The following PPP2R2C variants were observed in gnomAD, a reference collection of about 807,000 sequenced individuals.
PPP2R2C encodes protein phosphatase 2, regulatory subunit B, gamma.
In PPP2R2C, 10 loss-of-function variants were observed where a neutral mutation model predicts 45.3. The observed-to-expected ratio is 0.22, with a 90% confidence interval of 0.14 to 0.37. The LOEUF is 0.37. Ranked by LOEUF, PPP2R2C falls within the 10% of genes least tolerant of loss-of-function variation. PPP2R2C has a pLI of 1.00. For missense variants in PPP2R2C, 308 were observed against 619.7 expected (o/e 0.50, Z 5.34); for synonymous variants, 257 against 245.4 (o/e 1.05, Z -0.44).
At chr4:6,447,660 C>A (rs1308407740) in intron 1 of PPP2R2C, among the ~76,000 whole-genome samples, 1 of 152,144 alleles carries the variant, frequency 6.6e-6, no homozygotes, top group East Asian at 1.9e-4. Context: ...GCAACCACAT[C>A]TGTAACAACA....
upstream of PPP2R2C, among the ~76,000 whole-genome samples, chr4:6,475,244 T>C (rs760012041): frequency 7.9e-5 from 12 of 151,678 alleles, no homozygotes; most frequent in Non-Finnish European, 1.5e-4. Flanking sequence ...GAGATGGAGA[T>C]AGAAAGGAAC....
At chr4:6,481,102 T>G (rs541629868) in intron 2 of PPP2R2C, among the ~76,000 whole-genome samples, 1 of 152,250 alleles carries the variant, frequency 6.6e-6, no homozygotes, top group Non-Finnish European at 1.5e-5. Context: ...GTTGCAAACA[T>G]TCTCTTCTAA....
chr4:6,483,803 T>C (rs1722445826), intron 2 of PPP2R2C, among the ~76,000 whole-genome samples: 1 of 152,126 alleles, frequency 6.6e-6, no homozygotes, highest in African/African-American at 2.4e-5. Flanking sequence ...TATTAATTTT[T>C]AATTTTATGC....
intron 6 of PPP2R2C, 54 bp downstream of exon 6, chr4:6,347,792 C>T: frequency 2.4e-6 from 2 of 838,958 alleles, no homozygotes; most frequent in South Asian, 1.5e-5. Context: ...CAGGACATCC[C>T]ACCCGCCCGC....
intron 1 of PPP2R2C, among the ~76,000 whole-genome samples, chr4:6,390,819 C>T (rs532829428): frequency 6.6e-6 from 1 of 152,208 alleles, no homozygotes; most frequent in South Asian, 2.1e-4. Flanking sequence ...GTCCAGGCAC[C>T]GCCCGGCAGT....
chr4:6,492,928 T>G (rs990893848), intron 2 of PPP2R2C, among the ~76,000 whole-genome samples: 1 of 152,102 alleles, frequency 6.6e-6, no homozygotes, highest in African/African-American at 2.4e-5. Context: ...AATGATGTCC[T>G]CCCAGTGGCC....
intron 1 of PPP2R2C, among the ~76,000 whole-genome samples, chr4:6,557,956 C>A (rs1725464194): frequency 6.6e-6 from 1 of 152,150 alleles, no homozygotes; most frequent in Non-Finnish European, 1.5e-5. Flanking sequence ...CCAGCCCCAC[C>A]CCAGACCTCT....
intron 2 of PPP2R2C, among the ~76,000 whole-genome samples, chr4:6,511,423 G>T (rs1723468932): frequency 7.9e-6 from 1 of 127,314 alleles, no homozygotes; most frequent in Non-Finnish European, 1.6e-5. Context: ...GACAGTGATG[G>T]TGGTGATGGT....
intron 1 of PPP2R2C, among the ~76,000 whole-genome samples, chr4:6,547,160 C>A (rs73209735): frequency 0.042 from 6,377 of 152,276 alleles, 181 homozygotes; most frequent in Middle Eastern, 0.092. Flanking sequence ...CTTGCTTCAT[C>A]TCTCCCTTTT....
At chr4:6,498,906 C>G (rs935425825) in intron 2 of PPP2R2C, among the ~76,000 whole-genome samples, 4 of 152,150 alleles carry the variant, frequency 2.6e-5, no homozygotes, top group African/African-American at 9.7e-5. Context: ...GAAAAGGCAG[C>G]TAGACAGTAT....
intron 2 of PPP2R2C, among the ~76,000 whole-genome samples, chr4:6,504,694 A>G (rs1361219014): frequency 6.6e-6 from 1 of 152,218 alleles, no homozygotes; most frequent in African/African-American, 2.4e-5. Flanking sequence ...TAAAAAGCAG[A>G]TAACAAATTC....
intron 6 of PPP2R2C, among the ~76,000 whole-genome samples, chr4:6,347,416 G>A (rs560658174): frequency 1.4e-4 from 21 of 152,114 alleles, no homozygotes; most frequent in African/African-American, 3.9e-4. Context: ...CCAAGGAGCC[G>A]GAGAAGATGG....
intron 1 of PPP2R2C, among the ~76,000 whole-genome samples, chr4:6,459,024 T>G (rs4689452): frequency 0.085 from 12,956 of 152,234 alleles, 849 homozygotes; most frequent in East Asian, 0.38. Flanking sequence ...GAATTCAATG[T>G]CAGGAATCCA....
intron 2 of PPP2R2C, among the ~76,000 whole-genome samples, chr4:6,496,862 A>AAAATAAAGAAAT (rs1722894734): frequency 7.2e-6 from 1 of 138,950 alleles, no homozygotes; most frequent in Non-Finnish European, 1.5e-5. Flanking sequence ...ACTCCATCTC[A>AAAATAAAGAAAT]AAATAAATAA....
At chr4:6,341,898 A>G (rs1733470663) in intron 6 of PPP2R2C, among the ~76,000 whole-genome samples, 1 of 152,062 alleles carries the variant, frequency 6.6e-6, no homozygotes, top group Non-Finnish European at 1.5e-5. Flanking sequence ...GAGTTCCAGA[A>G]TGTACAACAG....
intron 1 of PPP2R2C, among the ~76,000 whole-genome samples, chr4:6,403,153 C>T (rs1051913216): frequency 3.9e-5 from 6 of 152,218 alleles, no homozygotes; most frequent in East Asian, 1.9e-4. Context: ...TGCCTCCCCA[C>T]GTGGGTGGGA....
At chr4:6,373,783 A>G (rs1010834440) in intron 4 of PPP2R2C, among the ~76,000 whole-genome samples, 4 of 152,170 alleles carry the variant, frequency 2.6e-5, no homozygotes, top group Admixed American at 2.6e-4. Context: ...CCCACACACC[A>G]GGGCACCCAG....
chr4:6,432,035 G>A (rs544239986), intron 1 of PPP2R2C, among the ~76,000 whole-genome samples: 1 of 152,112 alleles, frequency 6.6e-6, no homozygotes, highest in Admixed American at 6.6e-5. Context: ...TTCATGACCT[G>A]ACCACCTCCC....
chr4:6,344,522 A>T (rs2109214025), intron 6 of PPP2R2C, among the ~76,000 whole-genome samples: 2 of 152,282 alleles, frequency 1.3e-5, no homozygotes, highest in East Asian at 3.9e-4. Context: ...CCCACTGAAA[A>T]ATGTCACACA....
Sources: allele counts gnomAD v4.1 joint callset (sites outside exome capture counted in the v4.1 genomes callset), GRCh38; gene constraint gnomAD v4.1.1; transcripts MANE v1.5; gene names NCBI Gene and HGNC (gene_info 2026-07-23, HGNC 2026-07-21).